MID1: variants seen among roughly 807,000 people sequenced by gnomAD.
The protein encoded by MID1 is E3 ubiquitin-protein ligase Midline-1.
MID1 carries 7 observed loss-of-function variants against 40.4 expected under a neutral mutation model. The ratio of observed to expected loss-of-function variants is 0.17; its 90% CI spans 0.10 to 0.33. MID1 has a LOEUF of 0.33. Among genes scored for constraint, MID1 ranks in the 10% least tolerant of loss-of-function variants. MID1 has a pLI of 1.00. For synonymous variants in MID1, 229 were observed against 221.2 expected, an observed-to-expected ratio of 1.04 and a Z score of -0.31; for missense variants, 367 against 558.5, an observed-to-expected ratio of 0.66 and a Z score of 3.46.
chrX:10,491,582 C>T (rs896886846), intron 4 of MID1, among the ~76,000 whole-genome samples: 6 of 110,660 alleles, frequency 5.4e-5, no homozygotes, highest in South Asian at 3.8e-4. Flanking sequence ...TGTAAGTTTG[C>T]CTTCAGATAC....
chrX:10,822,125 A>G (rs1342507035), intron 1 of MID1, among the ~76,000 whole-genome samples: 2 of 111,594 alleles, frequency 1.8e-5, no homozygotes, highest in African/African-American at 6.5e-5. Context: ...ACAGCATGGT[A>G]CTTGTACAAA....
chrX:10,697,669 C>T (rs1274446230), intron 1 of MID1, among the ~76,000 whole-genome samples: 6 of 111,659 alleles, frequency 5.4e-5, no homozygotes, highest in South Asian at 3.8e-4. Context: ...TCTGGCATGG[C>T]GTCTGCGGGT....
intron 3 of MID1, among the ~76,000 whole-genome samples, chrX:10,518,475 C>T (rs1034613546): frequency 1.8e-5 from 2 of 110,989 alleles, no homozygotes; most frequent in African/African-American, 6.6e-5. Context: ...TCTTTTCCCC[C>T]TACTACCCCC....
At chrX:10,684,522 G>C (rs768153305) in intron 1 of MID1, among the ~76,000 whole-genome samples, 7 of 107,743 alleles carry the variant, frequency 6.5e-5, no homozygotes, top group African/African-American at 2.4e-4. Flanking sequence ...TCCTGCCTCA[G>C]CCTCCTGAGC....
intron 2 of MID1, among the ~76,000 whole-genome samples, chrX:10,559,647 C>CT (rs749568248): frequency 2.5e-4 from 28 of 111,462 alleles, no homozygotes; most frequent in African/African-American, 8.8e-4. Flanking sequence ...GCAGTGATCC[C>CT]TTTTCTGGGA....
intron 1 of MID1, among the ~76,000 whole-genome samples, chrX:10,600,652 C>T (rs929082320): frequency 8.9e-6 from 1 of 111,807 alleles, no homozygotes; most frequent in Admixed American, 9.5e-5. Context: ...TCCTAGTGGC[C>T]CTGTCTTACA....
At chrX:10,530,354 A>G (rs1932929706) in intron 2 of MID1, among the ~76,000 whole-genome samples, 1 of 111,565 alleles carries the variant, frequency 9.0e-6, no homozygotes, top group Non-Finnish European at 1.9e-5. Context: ...ACTACCACCA[A>G]AGAAAAGAAA....
At chrX:10,763,496 C>T (rs1350426162) in intron 1 of MID1, among the ~76,000 whole-genome samples, 1 of 111,406 alleles carries the variant, frequency 9.0e-6, no homozygotes, top group Non-Finnish European at 1.9e-5. Context: ...GACATGAACT[C>T]ATCCTTTCTT....
At chrX:10,795,545 A>G (rs1023833295) in intron 1 of MID1, among the ~76,000 whole-genome samples, 8 of 112,181 alleles carry the variant, frequency 7.1e-5, no homozygotes. Flanking sequence ...GGGCCTACAA[A>G]TAATTGCCTC....
rs59220831 is a variant in MID1 at position 10,593,804 on chromosome X, C to CA, written c.-56-26202_-56-26201insT. On this transcript the variant is annotated intron_variant, in intron 1 of 9. Coordinates refer to ENST00000317552, the MANE Select transcript of MID1 (RefSeq NM_000381.4). ...ACACACACACACACACACACACACA[C>CA]CACTTTTTCTTTTGGGGAGAGGAAG... is the stretch of plus-strand genomic sequence containing the variant. Among the ~76,000 whole-genome samples, 54 of 105,804 alleles carry CA rather than the reference C, an allele frequency of 5.1e-4. 1 individual carries two copies. In the South Asian group the frequency reaches 0.016, roughly 31 times the overall value. 91.9% of individuals were successfully genotyped at this position (105,804 alleles called of 115,157 possible).
intron 7 of MID1, among the ~76,000 whole-genome samples, chrX:10,464,318 G>T (rs111506321): frequency 3.8e-4 from 42 of 111,717 alleles, no homozygotes; most frequent in African/African-American, 1.2e-3. Context: ...TATTATTTTC[G>T]ATGCAAATAG....
chrX:10,499,531 T>C (rs1355513743), intron 3 of MID1, among the ~76,000 whole-genome samples: 1 of 111,953 alleles, frequency 8.9e-6, no homozygotes, highest in African/African-American at 3.2e-5. Flanking sequence ...TATCCCAAGG[T>C]CATGGAGACT....
intron 2 of MID1, among the ~76,000 whole-genome samples, chrX:10,535,298 T>A (rs1933204771): frequency 8.9e-6 from 1 of 112,297 alleles, no homozygotes; most frequent in Non-Finnish European, 1.9e-5. Flanking sequence ...GAGAAACAGG[T>A]TCTGTGATAC....
chrX:10,449,156 T>C lies in MID1; in HGVS notation c.*212A>G, dbSNP rs1189134084. The C allele has an allele frequency of 2.8e-6, 1 of 363,200 alleles. No homozygotes were observed. The highest frequency in any genetic ancestry group is 4.0e-5 in the East Asian group (1 of 24,905). 29.9% of individuals were successfully genotyped at this position (363,200 alleles called of 1,213,427 possible). ...AATAATCTATAGATTTTCCTCTAAATACAAAAAAATTAAAGAAATTATTAA... is the reference window on the plus strand; with the variant it reads ...AATAATCTATAGATTTTCCTCTAAACACAAAAAAATTAAAGAAATTATTAA... On this transcript the variant is annotated 3_prime_UTR_variant, in exon 10 of 10. Transcript: ENST00000317552.
At chrX:10,636,785 G>GACAT (rs757390504) in intron 1 of MID1, among the ~76,000 whole-genome samples, 2 of 42,719 alleles carry the variant, frequency 4.7e-5, no homozygotes, top group Non-Finnish European at 8.1e-5. Flanking sequence ...CAACAATGGG[G>GACAT]ATATATATAT....
intron 1 of MID1, among the ~76,000 whole-genome samples, chrX:10,654,679 C>G (rs894584648): frequency 8.9e-6 from 1 of 112,200 alleles, no homozygotes; most frequent in Non-Finnish European, 1.9e-5. Context: ...CAGACTGGGA[C>G]CGGTACTAGT....
intron 1 of MID1, among the ~76,000 whole-genome samples, chrX:10,604,863 A>C (rs1028821177): frequency 8.9e-6 from 1 of 112,714 alleles, no homozygotes; most frequent in African/African-American, 3.2e-5. Context: ...GCATTGAGGA[A>C]AATTCAAACC....
intron 2 of MID1, chrX:10,565,076 C>T (rs1486371648): frequency 1.4e-5 from 4 of 287,800 alleles, no homozygotes; most frequent in African/African-American, 2.8e-5. Context: ...TCAGAATTTG[C>T]TCTAGAGGCA....
intron 1 of MID1, among the ~76,000 whole-genome samples, chrX:10,666,113 A>AG (rs1243393300): frequency 9.0e-6 from 1 of 110,577 alleles, no homozygotes; most frequent in Non-Finnish European, 1.9e-5. Flanking sequence ...AAAAAGAGAG[A>AG]GAAAAAAGAG....
Sources: gnomAD v4.1 joint callset for allele counts (sites outside exome capture counted in the v4.1 genomes callset) on GRCh38, gnomAD v4.1.1 for gene constraint, MANE v1.5 for transcripts, NCBI Gene and HGNC (gene_info 2026-07-23, HGNC 2026-07-21) for gene names.